The following ANXA8 variants were observed in gnomAD, a reference collection of about 807,000 sequenced individuals.
ANXA8 encodes annexin A8.
Under a neutral mutation model 26.8 loss-of-function variants are expected in ANXA8, and 9 were observed. The ratio of observed to expected loss-of-function variants is 0.34; its 90% CI spans 0.20 to 0.59. The LOEUF (loss-of-function observed/expected upper bound fraction) is 0.59, where lower values mean the gene tolerates loss of function less well. Ranked by LOEUF, ANXA8 falls within the 20% of genes least tolerant of loss-of-function variation. The pLI is 0.84. For missense variants in ANXA8, 83 were observed against 238.5 expected (o/e 0.35, Z 4.29); for synonymous variants, 39 against 94.8 (o/e 0.41, Z 3.42).
the ANXA8 span, among the ~76,000 whole-genome samples, chr10:47,747,331 C>A: frequency 6.6e-6 from 1 of 151,286 alleles, no homozygotes; most frequent in African/African-American, 2.4e-5. Context: ...CTTGAGGCAT[C>A]TGCTGAGTTA....
At chr10:47,565,191 G>T in the ANXA8 span, 15 of 677,682 alleles carry the variant, frequency 2.2e-5, 1 homozygote, top group Middle Eastern at 1.5e-3. Context: ...GGCGACGCGG[G>T]CACCCCCTCA....
the ANXA8 span, among the ~76,000 whole-genome samples, chr10:47,743,301 T>TATATATATATATATATATAC: frequency 2.4e-5 from 1 of 41,352 alleles, no homozygotes; most frequent in Non-Finnish European, 5.7e-5. Context: ...TATACACATA[T>TATATATATATATATATATAC]ATATATATAT....
At chr10:47,614,961 G>A in the ANXA8 span, among the ~76,000 whole-genome samples, 2 of 47,404 alleles carry the variant, frequency 4.2e-5, no homozygotes, top group African/African-American at 1.2e-4. Context: ...TCATTTCTAA[G>A]GAAATGACAA....
the ANXA8 span, among the ~76,000 whole-genome samples, chr10:47,498,102 T>G: frequency 6.7e-6 from 1 of 149,084 alleles, no homozygotes; most frequent in African/African-American, 2.4e-5. Context: ...CTCTGGAACT[T>G]TTTCATCTGA....
the ANXA8 span, among the ~76,000 whole-genome samples, chr10:47,727,195 G>A: frequency 6.6e-6 from 1 of 152,298 alleles, no homozygotes; most frequent in African/African-American, 2.4e-5. Flanking sequence ...TTTCCTGTTG[G>A]TAAGCAAAAA....
At chr10:47,552,582 T>G in the ANXA8 span, among the ~76,000 whole-genome samples, 1 of 152,092 alleles carries the variant, frequency 6.6e-6, no homozygotes, top group Admixed American at 6.5e-5. Flanking sequence ...GTGTGAGATA[T>G]GACTGGTTTT....
the ANXA8 span, among the ~76,000 whole-genome samples, chr10:47,767,708 C>G: frequency 1.5e-3 from 224 of 151,776 alleles, 5 homozygotes; most frequent in Non-Finnish European, 2.6e-3. Context: ...TGACGCCACC[C>G]CCTGCCCCCG....
chr10:47,766,009 C>G, the ANXA8 span, among the ~76,000 whole-genome samples: 1 of 150,976 alleles, frequency 6.6e-6, no homozygotes, highest in East Asian at 1.9e-4. Flanking sequence ...CTTCATCATC[C>G]CCTCGTCCTC....
At chr10:47,686,846 A>G in the ANXA8 span, among the ~76,000 whole-genome samples, 10 of 151,878 alleles carry the variant, frequency 6.6e-5, no homozygotes, top group African/African-American at 2.4e-5. Context: ...AAACTTTTAT[A>G]ACAAAATGGT....
the ANXA8 span, chr10:47,757,224 C>A: frequency 1.0e-5 from 3 of 290,010 alleles, no homozygotes; most frequent in Non-Finnish European, 1.4e-5. Context: ...TGCCTCTGTC[C>A]TCCTGGAGCC....
chr10:47,952,751 G>C, the ANXA8 span, among the ~76,000 whole-genome samples: 13,458 of 83,390 alleles, frequency 0.16, 210 homozygotes, highest in Middle Eastern at 0.27. Context: ...ACAGGAAAGC[G>C]AGTAATGAAG....
the ANXA8 span, among the ~76,000 whole-genome samples, chr10:47,684,420 T>C: frequency 7.7e-6 from 1 of 129,916 alleles, no homozygotes; most frequent in South Asian, 2.6e-4. Flanking sequence ...TCAAGTTTTT[T>C]TTTGGGGGGG....
chr10:47,907,095 G>T, the ANXA8 span, among the ~76,000 whole-genome samples: 1 of 151,792 alleles, frequency 6.6e-6, no homozygotes, highest in Non-Finnish European at 1.5e-5. Context: ...GGTGGCTCAT[G>T]CTTGTAATCC....
chr10:47,685,192 C>T, the ANXA8 span, among the ~76,000 whole-genome samples: 11 of 150,492 alleles, frequency 7.3e-5, no homozygotes, highest in Non-Finnish European at 1.2e-4. Context: ...ACTAAAAATA[C>T]AAAATTAGCT....
the ANXA8 span, among the ~76,000 whole-genome samples, chr10:47,603,669 G>A: frequency 3.4e-5 from 5 of 148,966 alleles, no homozygotes; most frequent in African/African-American, 1.0e-4. Flanking sequence ...GCACCACCAC[G>A]CCTGGCTAAT....
the ANXA8 span, among the ~76,000 whole-genome samples, chr10:47,716,458 A>G: frequency 2.4e-5 from 3 of 123,450 alleles, no homozygotes; most frequent in African/African-American, 1.1e-4. Context: ...TAGTTGGGTT[A>G]ATTCACATAT....
At chr10:47,563,532 A>C in the ANXA8 span, 10 of 749,100 alleles carry the variant, frequency 1.3e-5, no homozygotes, top group Non-Finnish European at 2.4e-5. Context: ...TTTGAAACTT[A>C]CTGAAATTTG....
chr10:47,689,248 A>G, the ANXA8 span, among the ~76,000 whole-genome samples: 1 of 151,360 alleles, frequency 6.6e-6, no homozygotes, highest in Non-Finnish European at 1.5e-5. Flanking sequence ...GGTGCAATCT[A>G]GGCTCACTGC....
the ANXA8 span, among the ~76,000 whole-genome samples, chr10:47,610,811 A>G: frequency 8.1e-6 from 1 of 123,688 alleles, no homozygotes; most frequent in Non-Finnish European, 1.7e-5. Context: ...TTGCAAGAGC[A>G]TAGGAGAAAG....
Sources: gnomAD v4.1 joint callset for allele counts (sites outside exome capture counted in the v4.1 genomes callset) on GRCh38, gnomAD v4.1.1 for gene constraint, MANE v1.5 for transcripts, NCBI Gene and HGNC (gene_info 2026-07-23, HGNC 2026-07-21) for gene names.